ZNF805: variants seen among roughly 807,000 people sequenced by gnomAD.
ZNF805 encodes the protein CTC-444N24.8.
ZNF805 carries 7 observed loss-of-function variants against 13.6 expected under a neutral mutation model. That is an observed-to-expected ratio of 0.51 (90% CI 0.29 to 0.97). ZNF805 has a LOEUF of 0.97. Among genes scored for constraint, ZNF805 ranks in the 50% least tolerant of loss-of-function variants. The probability of loss-of-function intolerance (pLI) is 0.08; values close to 1 mark genes in which losing one functional copy is unlikely to be tolerated. For synonymous variants in ZNF805, 293 were observed against 279.8 expected, an observed-to-expected ratio of 1.05 and a Z score of -0.47; for missense variants, 604 against 771.0, an observed-to-expected ratio of 0.78 and a Z score of 2.57.
Position 57,254,518 on chromosome 19 carries a change from A to T in ZNF805, c.1699A>T (p.Ile567Phe), listed in dbSNP as rs555037226. 1.2e-6 allele frequency: 2 copies of T among 1,614,114 alleles called. No homozygotes were observed. The highest frequency in any genetic ancestry group is 1.7e-6 in the Non-Finnish European group (2 of 1,180,042). Residue 567 changes from isoleucine (I) to phenylalanine (F), a missense_variant, in exon 4 of 4, where the codon ATC becomes TTC. By Grantham distance (21) the Ile-to-Phe change is conservative. Around this residue, in one of 3 missense-constraint regions of ZNF805, gnomAD observed 228 missense variants for 352.8 expected, o/e 0.65. Transcript: ENST00000414468. Reference protein sequence around the residue: ...HQRMHTGRNPISVTDVGRPFT... With the variant: ...HQRMHTGRNPFSVTDVGRPFT... ...AAGGATGCATACTGGGAGAAATCCT[A>T]TCAGTGTAACAGATGTGGGAAGACC...
In ZNF805 at chr19:57,254,342, A is replaced by G. The variant is rs2087673003; in HGVS notation, c.1523A>G (p.Glu508Gly). Reference protein sequence around the residue: ...LTRHQRIHSGEKPYECIECGK... With the variant: ...LTRHQRIHSGGKPYECIECGK... ...AGGCACCAGCGGATTCATAGTGGAGAGAAGCCCTATGAATGCATCGAGTGT... is the reference window on the plus strand; with the variant it reads ...AGGCACCAGCGGATTCATAGTGGAGGGAAGCCCTATGAATGCATCGAGTGT... Residue 508 changes from glutamate (E) to glycine (G), a missense_variant, in exon 4 of 4, where the codon GAG (glutamate) becomes GGG (glycine). Glu to Gly is a moderately conservative substitution (Grantham distance 98, BLOSUM62 -2). Around this residue, in one of 3 missense-constraint regions of ZNF805, gnomAD observed 228 missense variants for 352.8 expected, o/e 0.65. Coordinates refer to ENST00000414468, the MANE Select transcript of ZNF805 (RefSeq NM_001023563.4). The G allele has an allele frequency of 6.2e-7, 1 of 1,614,142 alleles. No individual in the cohort carries two copies. Among genetic ancestry groups the G allele is most frequent in the Non-Finnish European group, 8.5e-7 (1 of 1,180,024 alleles).
In ZNF805 at chr19:57,257,092, C is replaced by T. The variant is rs2087691905; in HGVS notation, c.*2389C>T. Among the ~76,000 whole-genome samples the T allele has an allele frequency of 1.3e-5, 2 of 151,996 alleles. No individual in the cohort carries two copies. The highest frequency in any genetic ancestry group is 6.6e-5 in the Admixed American group (1 of 15,258). On this transcript the variant is annotated 3_prime_UTR_variant, in exon 4 of 4. Transcript: ENST00000414468. Reference sequence around the variant, plus strand: ...TTGTTTAATAGTGTTTGGAGTATTCCCTGCTATTTGTTATTGATTTCTAAT... The same window carrying T: ...TTGTTTAATAGTGTTTGGAGTATTCTCTGCTATTTGTTATTGATTTCTAAT...
rs1815899792 is a variant in ZNF805 at position 57,261,654 on chromosome 19, C to G, written c.*6951C>G. ...GGCACCATATATGGCGTACCTTGACCTCGAAGAGAATCTACATGGACTTTT... is the reference window on the plus strand; with the variant it reads ...GGCACCATATATGGCGTACCTTGACGTCGAAGAGAATCTACATGGACTTTT... On this transcript the variant is annotated 3_prime_UTR_variant, in exon 4 of 4. Coordinates refer to ENST00000414468, the MANE Select transcript of ZNF805 (RefSeq NM_001023563.4). 1 of 166,968 alleles carries G rather than the reference C, an allele frequency of 6.0e-6. No homozygotes were observed. The highest frequency in any genetic ancestry group is 2.4e-5 in the African/African-American group (1 of 41,406). 10.3% of individuals were successfully genotyped at this position (166,968 alleles called of 1,614,324 possible).
chr19:57,261,482 G>A lies in ZNF805; in HGVS notation c.*6779G>A, dbSNP rs146307835. 3.0e-3 allele frequency: 501 copies of A among 166,958 alleles called. 4 individuals are homozygous for A. Among genetic ancestry groups the A allele is most frequent in the Non-Finnish European group, 3.1e-4 (21 of 68,080 alleles). 10.3% of individuals were successfully genotyped at this position (166,958 alleles called of 1,614,324 possible). On this transcript the variant is annotated 3_prime_UTR_variant, in exon 4 of 4. Transcript: ENST00000414468. ...TTTCTTTTTCCTTTATCATTCCCAC[G>A]TCCGGCCACTGCCCCATTCCTTTTT...
chr19:57,243,869 A>G (rs2087594615), intron 1 of ZNF805, 54 bp from the exon 2 acceptor site: 9 of 1,613,322 alleles, frequency 5.6e-6, no homozygotes, highest in African/African-American at 2.7e-5. Context: ...TTTTCCAGCA[A>G]AGCACATGCA....
At chr19:57,245,765 C>T (rs193294495) in intron 2 of ZNF805, among the ~76,000 whole-genome samples, 15 of 150,036 alleles carry the variant, frequency 1.0e-4, no homozygotes, top group Admixed American at 5.3e-4. Context: ...GGCGACAGAG[C>T]GAGACTCCAT....
intron 3 of ZNF805, 70 bp downstream of exon 3, chr19:57,248,770 G>A: frequency 1.5e-6 from 2 of 1,337,340 alleles, no homozygotes; most frequent in East Asian, 2.5e-5. Context: ...ACTGGCCCTG[G>A]GATCTCTTGG....
rs141873597 is a variant in ZNF805 at position 57,260,319 on chromosome 19, C to T, written c.*5616C>T. 4.7e-3 allele frequency among the ~76,000 whole-genome samples: 715 copies of T among 152,284 alleles called. 8 individuals are homozygous for T. The highest frequency in any genetic ancestry group is 8.0e-3 in the Non-Finnish European group (543 of 68,024). On this transcript the variant is annotated 3_prime_UTR_variant, in exon 4 of 4. Transcript: ENST00000414468. ...TTCCAACCTATTTCACCCTTCCTTG[C>T]CTATCAAGCTCTGGTTATTCTTTCT... is the stretch of plus-strand genomic sequence containing the variant.
At chr19:57,248,091 C>T (rs1485788956) in intron 2 of ZNF805, among the ~76,000 whole-genome samples, 1 of 152,120 alleles carries the variant, frequency 6.6e-6, no homozygotes, top group Non-Finnish European at 1.5e-5. Context: ...CGCCTTTAGT[C>T]CCAGCTACTC....
chr19:57,257,296 G>A lies in ZNF805; in HGVS notation c.*2593G>A, dbSNP rs992981181. On this transcript the variant is annotated 3_prime_UTR_variant, in exon 4 of 4. Transcript: ENST00000414468. ...GTTGGTGGTGTTATTTAGGTCTCCT[G>A]TATCCTTGCTGATTTTCTGTCTAGT... 1.3e-5 allele frequency among the ~76,000 whole-genome samples: 2 copies of A among 152,134 alleles called. No homozygotes were observed. The highest frequency in any genetic ancestry group is 4.8e-5 in the African/African-American group (2 of 41,440).
intron 1 of ZNF805, among the ~76,000 whole-genome samples, chr19:57,243,501 C>G (rs749230039): frequency 2.0e-5 from 3 of 152,198 alleles, no homozygotes; most frequent in Non-Finnish European, 4.4e-5. Flanking sequence ...TGGATTCAAA[C>G]TTGAGAAGTC....
rs869290620 is a variant in ZNF805 at position 57,257,698 on chromosome 19, C to CTTTT, written c.*3017_*3020dup. On this transcript the variant is annotated 3_prime_UTR_variant, in exon 4 of 4. Transcript: ENST00000414468. ...GTGGTTTTATATCCAGTTTGCGTAT[C>CTTTT]TTTTTTTTTTTTTTTTTTTTTTTTT... Among the ~76,000 whole-genome samples, 95 of 35,020 alleles carry CTTTT rather than the reference C, an allele frequency of 2.7e-3. No individual in the cohort carries two copies. The highest frequency in any genetic ancestry group is 6.6e-3 in the African/African-American group (52 of 7,918). The allele number at this position is 35,020 out of a possible 152,430, so 23.0% of individuals were successfully genotyped here.
chr19:57,258,738 A>G lies in ZNF805; in HGVS notation c.*4035A>G, dbSNP rs370312448. Among the ~76,000 whole-genome samples, 211 of 152,338 alleles carry G rather than the reference A, an allele frequency of 1.4e-3. 6 individuals are homozygous for G. In the South Asian group the frequency reaches 0.043, roughly 31 times the overall value. On this transcript the variant is annotated 3_prime_UTR_variant, in exon 4 of 4. Coordinates refer to ENST00000414468, the MANE Select transcript of ZNF805 (RefSeq NM_001023563.4). The stretch of plus-strand genomic sequence containing the variant: ...GCTTCCACTGTCAAATATATTTTAC[A>G]AAAGTCACAGGAAGTATTGCTTGTT...
At position 57,253,147 on chromosome 19, in the gene ZNF805, G is replaced by A. The variant is rs1239994964; in HGVS notation, c.328G>A (p.Gly110Arg). Reference protein sequence around the residue: ...LALSEGISFWGQLTQGASGDS... With the variant: ...LALSEGISFWRQLTQGASGDS... ...CTTGTCTGAAGGAATCTCTTTTTGGGGACAACTAACACAAGGAGCTTCAGG... is the reference window on the plus strand; with the variant it reads ...CTTGTCTGAAGGAATCTCTTTTTGGAGACAACTAACACAAGGAGCTTCAGG... The change falls in exon 4 of 4, where the codon GGA becomes AGA. Residue 110 changes from glycine to arginine, a missense_variant. Physicochemically the swap from Gly to Arg is moderately radical, Grantham distance 125 (BLOSUM62 -2). This residue lies in a region of ZNF805 where 327 missense variants were observed against 378.2 expected (regional missense o/e 0.86). Coordinates refer to ENST00000414468, the MANE Select transcript of ZNF805 (RefSeq NM_001023563.4). This position sits in a 1 kb window ranked among gnomAD's most constrained non-coding sequence, Gnocchi z 4.4. 5.2e-6 allele frequency: 8 copies of A among 1,536,018 alleles called. No homozygotes were observed. In the South Asian group the frequency reaches 8.7e-5, roughly 17 times the overall value.
chr19:57,255,383 C>T lies in ZNF805; in HGVS notation c.*680C>T, dbSNP rs1031556502. On this transcript the variant is annotated 3_prime_UTR_variant, in exon 4 of 4. Transcript: ENST00000414468. Reference sequence around the variant, plus strand: ...CATATACACTTTAGGATTGGTTTTTCTGTTTTTCAAATATTCTTGCTTGGA... The same window carrying T: ...CATATACACTTTAGGATTGGTTTTTTTGTTTTTCAAATATTCTTGCTTGGA... 1.3e-5 allele frequency among the ~76,000 whole-genome samples: 2 copies of T among 151,928 alleles called. No homozygotes were observed. Among genetic ancestry groups the T allele is most frequent in the Admixed American group, 1.3e-4 (2 of 15,280 alleles).
chr19:57,244,074 C>T (rs1255036168), intron 2 of ZNF805, 25 bp downstream of exon 2: 2 of 1,607,146 alleles, frequency 1.2e-6, no homozygotes, highest in Admixed American at 1.7e-5. Context: ...CTCCACCATG[C>T]AGGGGATCTG....
rs1451722208 is a variant in ZNF805, at chr19:57,256,826, C to T, written c.*2123C>T. ...TATCTGCTCTGATGTGTATTGTATC[C>T]TTTCTCCTACTTGCTCTGGTTGTAT... On this transcript the variant is annotated 3_prime_UTR_variant, in exon 4 of 4. Coordinates refer to ENST00000414468, the MANE Select transcript of ZNF805 (RefSeq NM_001023563.4). Among the ~76,000 whole-genome samples the T allele has an allele frequency of 6.6e-6, 1 of 152,046 alleles. No homozygotes were observed. The highest frequency in any genetic ancestry group is 1.5e-5 in the Non-Finnish European group (1 of 67,984).
intron 3 of ZNF805, among the ~76,000 whole-genome samples, chr19:57,249,494 CAT>C (rs2122836645): frequency 6.6e-6 from 1 of 152,326 alleles, no homozygotes; most frequent in South Asian, 2.1e-4. Flanking sequence ...CATAAAACTG[CAT>C]AGTTTCTGAG....
At chr19:57,251,630 T>C (rs751257724) in intron 3 of ZNF805, among the ~76,000 whole-genome samples, 1 of 112,838 alleles carries the variant, frequency 8.9e-6, no homozygotes, top group East Asian at 2.0e-4. Flanking sequence ...GTAGTCTGAT[T>C]TATGTTTTTT....
Sources: gnomAD v4.1 joint callset for allele counts (sites outside exome capture counted in the v4.1 genomes callset) on GRCh38, gnomAD v4.1.1 for gene constraint, gnomAD v4.1.1 regional missense constraint, Gnocchi (gnomAD v3.1) non-coding constraint, MANE v1.5 for transcripts, NCBI Gene and HGNC (gene_info 2026-07-23, HGNC 2026-07-21) for gene names.